Variants in CCDC141 observed in about 807,000 individuals in gnomAD.
The protein encoded by CCDC141 is coiled-coil domain containing 141.
A neutral mutation model predicts 181.0 loss-of-function variants in CCDC141; 168 were observed. The ratio of observed to expected loss-of-function variants is 0.93; its 90% CI spans 0.82 to 1.05. The LOEUF (loss-of-function observed/expected upper bound fraction) is 1.05. CCDC141 is among the 50% of genes least tolerant of loss of function. CCDC141 has a pLI of 0.00. For missense variants in CCDC141, 1,902 were observed against 1,788.5 expected, an observed-to-expected ratio of 1.06 and a Z score of -1.14; for synonymous variants, 666 against 642.3, an observed-to-expected ratio of 1.04 and a Z score of -0.56.
intron 14 of CCDC141, among the ~76,000 whole-genome samples, chr2:178,870,797 C>G (rs1263203637): frequency 6.6e-6 from 1 of 152,114 alleles, no homozygotes; most frequent in Non-Finnish European, 1.5e-5. Flanking sequence ...AGAATCCAGG[C>G]AGAAGTATAA....
At chr2:178,888,286 CG>C (rs1410754194) in intron 9 of CCDC141, among the ~76,000 whole-genome samples, 1 of 152,138 alleles carries the variant, frequency 6.6e-6, no homozygotes, top group Non-Finnish European at 1.5e-5. Context: ...CTGTGCAAAG[CG>C]GGAACTGCCT....
intron 8 of CCDC141, among the ~76,000 whole-genome samples, chr2:178,902,551 A>G (rs1247843233): frequency 6.6e-6 from 1 of 152,212 alleles, no homozygotes; most frequent in East Asian, 1.9e-4. Context: ...CTGGCTAGCC[A>G]TATGTAGAAA....
chr2:179,021,406 C>A (rs937939523), intron 2 of CCDC141, among the ~76,000 whole-genome samples: 1 of 152,122 alleles, frequency 6.6e-6, no homozygotes, highest in African/African-American at 2.4e-5. Context: ...AATAACAGAA[C>A]TAGTATTCTG....
At chr2:179,016,150 A>C (rs544598073) in intron 2 of CCDC141, among the ~76,000 whole-genome samples, 1 of 147,820 alleles carries the variant, frequency 6.8e-6, no homozygotes, top group African/African-American at 2.5e-5. Flanking sequence ...AGCTATGAGG[A>C]CACAAAGGCA....
chr2:178,820,292 G>A, the CCDC141 span, among the ~76,000 whole-genome samples: 2 of 152,138 alleles, frequency 1.3e-5, no homozygotes, highest in Admixed American at 1.3e-4. Context: ...TGGCCACACC[G>A]GTGGAGAGTG....
intron 2 of CCDC141, among the ~76,000 whole-genome samples, chr2:179,027,661 A>G (rs1192704471): frequency 2.0e-4 from 29 of 142,820 alleles, no homozygotes; most frequent in Admixed American, 2.0e-3. Context: ...AAAAAAAAAA[A>G]AAAAAAAAAA....
chr2:178,884,879 A>C, intron 11 of CCDC141, 22 bp downstream of exon 11: 1 of 1,537,462 alleles, frequency 6.5e-7, no homozygotes, highest in Non-Finnish European at 8.8e-7. Context: ...TTGCTGAAGA[A>C]GGTTAACACA....
At position 178,837,397 on chromosome 2, in the gene CCDC141, A is replaced by T. The variant is rs200623862; in HGVS notation, c.3822T>A (p.Asp1274Glu). The T allele has an allele frequency of 1.3e-4, 211 of 1,614,122 alleles. No homozygotes were observed. Among genetic ancestry groups the T allele is most frequent in the Non-Finnish European group, 1.7e-4 (205 of 1,179,996 alleles). ...ATGTTTCTCTCTTATCATTGCATGC[A>T]TCCGCAAAGGCAACAGGTGGTGGAA... ...SVLPPPVAFADACNDKRETFS... is the reference protein window; with the variant it reads ...SVLPPPVAFAEACNDKRETFS... The change falls in exon 23 of 24, where the codon GAT becomes GAA. Residue 1274 changes from aspartate to glutamate, a missense_variant. By Grantham distance (45) the Asp-to-Glu change is conservative (BLOSUM62 2). Transcript: ENST00000443758.
chr2:178,967,815 C>T (rs1253300996), intron 4 of CCDC141, among the ~76,000 whole-genome samples: 1 of 152,006 alleles, frequency 6.6e-6, no homozygotes, highest in Non-Finnish European at 1.5e-5. Context: ...AGAGTCAAGG[C>T]CCATTAGAGT....
At chr2:178,893,827 A>G (rs200893916) in intron 8 of CCDC141, among the ~76,000 whole-genome samples, 5,680 of 141,112 alleles carry the variant, frequency 0.04, 112 homozygotes, top group Non-Finnish European at 0.054. Context: ...ACACACGCAC[A>G]CACACACACA....
At chr2:179,004,160 T>A (rs1224616722) in intron 2 of CCDC141, among the ~76,000 whole-genome samples, 1 of 152,168 alleles carries the variant, frequency 6.6e-6, no homozygotes, top group East Asian at 1.9e-4. Flanking sequence ...AAAATAAGAA[T>A]GAAATGTTGC....
intron 2 of CCDC141, among the ~76,000 whole-genome samples, chr2:179,020,076 A>G (rs1457697174): frequency 2.0e-5 from 3 of 152,070 alleles, no homozygotes; most frequent in African/African-American, 7.2e-5. Context: ...TTTGATAGAT[A>G]AGATAAGAGA....
chr2:178,886,249 T>G (rs1326076122), intron 10 of CCDC141, among the ~76,000 whole-genome samples: 1 of 146,062 alleles, frequency 6.8e-6, no homozygotes, highest in African/African-American at 2.5e-5. Context: ...AAGTGCCAAG[T>G]GAAAGGGGTA....
chr2:179,012,470 G>A (rs1559046414), intron 2 of CCDC141, among the ~76,000 whole-genome samples: 7 of 151,920 alleles, frequency 4.6e-5, no homozygotes, highest in Admixed American at 3.3e-4. Flanking sequence ...AGATTGAAAT[G>A]GTAATTTAAA....
At position 178,918,887 on chromosome 2, in the gene CCDC141, C is replaced by T; in HGVS notation, c.918G>A (p.Glu306=). 6.4e-7 allele frequency: 1 copy of T among 1,550,536 alleles called. No individual in the cohort carries two copies. Among genetic ancestry groups the T allele is most frequent in the East Asian group, 2.4e-5 (1 of 40,924 alleles). ...IKAKEWNSAV[E]KLKSEALRIL... is the part of the protein sequence containing the mutation. Reference sequence around the variant, plus strand: ...TTCTCAGTGCCTCACTCTTCAGCTTCTCAACAGCAGAATTCCATTCCTGCA... The same window carrying T: ...TTCTCAGTGCCTCACTCTTCAGCTTTTCAACAGCAGAATTCCATTCCTGCA... Residue 306 remains glutamate, a synonymous_variant, in exon 7 of 24, where the codon GAG becomes GAA. Coordinates refer to ENST00000443758, the MANE Select transcript of CCDC141 (RefSeq NM_173648.4).
At chr2:178,883,878 C>T (rs80251584) in intron 11 of CCDC141, among the ~76,000 whole-genome samples, 2,076 of 151,884 alleles carry the variant, frequency 0.014, 42 homozygotes, top group African/African-American at 0.047. Context: ...TCTAGTATAA[C>T]CAGACAAAAT....
chr2:178,820,499 C>A, the CCDC141 span, among the ~76,000 whole-genome samples: 2 of 152,080 alleles, frequency 1.3e-5, no homozygotes, highest in Non-Finnish European at 2.9e-5. Flanking sequence ...CAAATAATAA[C>A]TGAATATTGT....
At chr2:178,905,889 T>C (rs763041323) in intron 7 of CCDC141, among the ~76,000 whole-genome samples, 2 of 152,268 alleles carry the variant, frequency 1.3e-5, no homozygotes, top group Non-Finnish European at 2.9e-5. Context: ...CAGGCTTTTA[T>C]GGCAAGAATG....
chr2:178,852,270 T>C (rs1685196393), intron 20 of CCDC141, among the ~76,000 whole-genome samples: 1 of 152,216 alleles, frequency 6.6e-6, no homozygotes, highest in African/African-American at 2.4e-5. Context: ...CTTCTCATGC[T>C]CTGAGATTGA....
Sources: gnomAD v4.1 joint callset for allele counts (sites outside exome capture counted in the v4.1 genomes callset) on GRCh38, gnomAD v4.1.1 for gene constraint, MANE v1.5 for transcripts, NCBI Gene and HGNC (gene_info 2026-07-23, HGNC 2026-07-21) for gene names.